The following TAF3 variants were observed in gnomAD, a reference collection of about 807,000 sequenced individuals.
The protein encoded by TAF3 is transcription initiation factor TFIID subunit 3.
Under a neutral mutation model 80.6 loss-of-function variants are expected in TAF3, and 7 were observed. The ratio of observed to expected loss-of-function variants is 0.09; its 90% CI spans 0.05 to 0.16. The LOEUF (loss-of-function observed/expected upper bound fraction) is 0.16. Ranked by LOEUF, TAF3 falls within the 10% of genes least tolerant of loss-of-function variation. TAF3 has a pLI of 1.00. For missense variants in TAF3, 921 were observed against 1,140.2 expected, an observed-to-expected ratio of 0.81 and a Z score of 2.77; for synonymous variants, 444 against 446.1, an observed-to-expected ratio of 1.00 and a Z score of 0.06.
chr10:7,852,549 C>T (rs1837038266), intron 2 of TAF3, among the ~76,000 whole-genome samples: 1 of 152,152 alleles, frequency 6.6e-6, no homozygotes, highest in South Asian at 2.1e-4. Flanking sequence ...CTCTGTTTAT[C>T]CCATAAATTG....
intron 2 of TAF3, among the ~76,000 whole-genome samples, chr10:7,915,373 A>G (rs794556): frequency 0.57 from 83,947 of 148,558 alleles, 25,093 homozygotes; most frequent in East Asian, 0.71. Context: ...GGCCGGGCGC[A>G]GTGGCTCACG....
Position 7,869,731 on chromosome 10 carries a change from A to G in TAF3, c.409+45171A>G, listed in dbSNP as rs573758745. ...AGGCTGTCCCAGCATGCACCCCTGCAGCAGCACGGACTGCCTCCTTCCCTG... is the reference window on the plus strand; with the variant it reads ...AGGCTGTCCCAGCATGCACCCCTGCGGCAGCACGGACTGCCTCCTTCCCTG... On this transcript the variant is annotated intron_variant, in intron 2 of 6. Coordinates refer to ENST00000344293, the MANE Select transcript of TAF3 (RefSeq NM_031923.4). 1.5e-4 allele frequency among the ~76,000 whole-genome samples: 23 copies of G among 152,356 alleles called. No homozygotes were observed. In the East Asian group the frequency reaches 4.0e-3, roughly 27 times the overall value.
In TAF3 at chr10:8,001,934, G is replaced by A. The variant is rs186277561; in HGVS notation, c.2316-7144G>A. On this transcript the variant is annotated intron_variant, in intron 4 of 6. Transcript: ENST00000344293. Reference sequence around the variant, plus strand: ...ACAAACATTTTCCACTATAACAGCCGGCAAACAGTAAAGTTAAAACGAAGT... The same window carrying A: ...ACAAACATTTTCCACTATAACAGCCAGCAAACAGTAAAGTTAAAACGAAGT... Among the ~76,000 whole-genome samples, 753 of 152,096 alleles carry A rather than the reference G, an allele frequency of 5.0e-3. 4 individuals carry two copies. The highest frequency in any genetic ancestry group is 6.2e-3 in the Non-Finnish European group (424 of 67,970).
In TAF3 at chr10:7,956,216, G is replaced by A. The variant is rs571688478; in HGVS notation, c.410-7704G>A. Among the ~76,000 whole-genome samples, 8 of 152,204 alleles carry A rather than the reference G, an allele frequency of 5.3e-5. No homozygotes were observed. The East Asian group carries it at 5.8e-4, about 11-fold the overall frequency. ...TTAAAAATTAAAAAATAGGCCGGGC[G>A]CGGTGTCTCACGCCTGTAATCCCAG... On this transcript the variant is annotated intron_variant, in intron 2 of 6. Transcript: ENST00000344293.
intron 2 of TAF3, among the ~76,000 whole-genome samples, chr10:7,952,550 A>G (rs1456179500): frequency 6.6e-6 from 1 of 152,240 alleles, no homozygotes; most frequent in Non-Finnish European, 1.5e-5. Flanking sequence ...GTTATGTGAT[A>G]CAACAGTATT....
intron 2 of TAF3, among the ~76,000 whole-genome samples, chr10:7,867,787 C>T (rs1210208755): frequency 6.6e-6 from 1 of 152,172 alleles, no homozygotes; most frequent in Non-Finnish European, 1.5e-5. Context: ...GTTGGGGGCA[C>T]AGACCCCTGT....
intron 2 of TAF3, among the ~76,000 whole-genome samples, chr10:7,876,918 G>T (rs1837317569): frequency 6.6e-6 from 1 of 151,978 alleles, no homozygotes; most frequent in Admixed American, 6.6e-5. Flanking sequence ...CTTGTACTTT[G>T]ATTTGCTGCC....
intron 4 of TAF3, among the ~76,000 whole-genome samples, chr10:7,981,911 T>G (rs1219505647): frequency 6.6e-6 from 1 of 152,222 alleles, no homozygotes; most frequent in Non-Finnish European, 1.5e-5. Flanking sequence ...AAAATCAATA[T>G]GTATAGACAC....
In TAF3 at chr10:7,965,001, G is replaced by A. The variant is rs1831554984; in HGVS notation, c.1491G>A (p.Val497=). 6.2e-7 allele frequency: 1 copy of A among 1,613,878 alleles called. No homozygotes were observed. The highest frequency in any genetic ancestry group is 1.1e-5 in the South Asian group (1 of 91,080). ...TTCCTTATATCTCTTCTCCGTCAGT[G>A]TCTCCTCCCACTCCCGAACCTCTCC... ...PNFPYISSPS[V]SPPTPEPLHK... is the part of the protein sequence containing the mutation. Residue 497 remains valine (V), a synonymous_variant, in exon 3 of 7, where the codon GTG becomes GTA. Coordinates refer to ENST00000344293, the MANE Select transcript of TAF3 (RefSeq NM_031923.4).
chr10:7,853,179 A>G (rs893954412), intron 2 of TAF3, among the ~76,000 whole-genome samples: 5 of 152,188 alleles, frequency 3.3e-5, no homozygotes, highest in Admixed American at 1.3e-4. Context: ...AATCATATAA[A>G]CTTATAATTA....
chr10:7,851,346 A>G (rs1258270955), intron 2 of TAF3, among the ~76,000 whole-genome samples: 2 of 152,182 alleles, frequency 1.3e-5, no homozygotes, highest in East Asian at 1.9e-4. Flanking sequence ...GTTTGGGCAC[A>G]GTGTGGAGGT....
At chr10:7,954,333 A>G (rs1588564509) in intron 2 of TAF3, among the ~76,000 whole-genome samples, 4 of 125,686 alleles carry the variant, frequency 3.2e-5, no homozygotes, top group African/African-American at 8.5e-5. Context: ...CGAATGAGTG[A>G]ATTAGTTCTA....
intron 2 of TAF3, among the ~76,000 whole-genome samples, chr10:7,850,912 C>T (rs1352169912): frequency 2.6e-5 from 4 of 152,014 alleles, no homozygotes; most frequent in Admixed American, 6.6e-5. Context: ...TCATTTTATT[C>T]AGTTCTTTCA....
chr10:7,912,500 A>G (rs1837665959), intron 2 of TAF3, among the ~76,000 whole-genome samples: 1 of 152,216 alleles, frequency 6.6e-6, no homozygotes, highest in Non-Finnish European at 1.5e-5. Context: ...GAGACTAACT[A>G]GTTTTACATT....
At chr10:7,936,489 G>C (rs1371171318) in intron 2 of TAF3, among the ~76,000 whole-genome samples, 5 of 151,222 alleles carry the variant, frequency 3.3e-5, no homozygotes, top group Admixed American at 6.7e-5. Flanking sequence ...GGTAGGACCT[G>C]AGCTGCATCT....
chr10:7,960,158 T>C (rs1838175659), intron 2 of TAF3, among the ~76,000 whole-genome samples: 1 of 152,090 alleles, frequency 6.6e-6, no homozygotes, highest in Admixed American at 6.6e-5. Flanking sequence ...TAGGAGGAGG[T>C]TCTTTGAAAT....
intron 2 of TAF3, among the ~76,000 whole-genome samples, chr10:7,909,280 C>T (rs74512967): frequency 0.011 from 1,693 of 152,304 alleles, 32 homozygotes; most frequent in African/African-American, 0.038. Flanking sequence ...GATTCTTGTA[C>T]ATGCTGAAGT....
At chr10:7,992,618 A>T (rs967358247) in intron 4 of TAF3, among the ~76,000 whole-genome samples, 3 of 152,110 alleles carry the variant, frequency 2.0e-5, no homozygotes, top group Admixed American at 6.5e-5. Context: ...AAAAGCAAAG[A>T]TGTATGGAGT....
rs1461937286 is a variant in TAF3, at chr10:7,994,948, C to T, written c.2316-14130C>T. 5.2e-5 allele frequency among the ~76,000 whole-genome samples: 7 copies of T among 134,690 alleles called. No individual in the cohort carries two copies. In the East Asian group the frequency reaches 6.4e-4, roughly 12 times the overall value. 88.4% of individuals were successfully genotyped at this position (134,690 alleles called of 152,430 possible). On this transcript the variant is annotated intron_variant, in intron 4 of 6. Coordinates refer to ENST00000344293, the MANE Select transcript of TAF3 (RefSeq NM_031923.4). ...CGAGATCACACCACTGCACTCCAGG[C>T]GACAGAGCAAGACTCCGTCTCAAAA...
Sources: allele counts gnomAD v4.1 joint callset (sites outside exome capture counted in the v4.1 genomes callset), GRCh38; gene constraint gnomAD v4.1.1; transcripts MANE v1.5; gene names NCBI Gene and HGNC (gene_info 2026-07-23, HGNC 2026-07-21).